RNLS: variants seen among roughly 807,000 people sequenced by gnomAD.
The protein encoded by RNLS is renalase.
RNLS carries 39 observed loss-of-function variants against 39.8 expected under a neutral mutation model. The observed-to-expected ratio is 0.98, with a 90% CI of 0.76 to 1.28. The LOEUF is 1.28. Among genes scored for constraint, RNLS ranks in the 50% most tolerant of loss-of-function variants. The pLI, the probability that RNLS is intolerant of heterozygous loss-of-function variation, is 0.00. For missense variants in RNLS, 410 were observed against 413.3 expected, an observed-to-expected ratio of 0.99 and a Z score of 0.07; for synonymous variants, 147 against 150.7, an observed-to-expected ratio of 0.98 and a Z score of 0.18.
chr10:88,452,912 C>A lies in RNLS; in HGVS notation c.527-90187G>T, dbSNP rs570432804. On this transcript the variant is annotated intron_variant, in intron 4 of 6. Coordinates refer to ENST00000331772, the MANE Select transcript of RNLS (RefSeq NM_001031709.3). ...AAAAATACAAGTTCAGTGTTATGGT[C>A]TGAAAAGAATGTGGTGATCATGGGG... is the stretch of plus-strand genomic sequence containing the variant. 1.6e-3 allele frequency among the ~76,000 whole-genome samples: 238 copies of A among 152,286 alleles called. 1 individual carries two copies. Among genetic ancestry groups the A allele is most frequent in the Middle Eastern group, 6.8e-3 (2 of 294 alleles).
At position 88,480,787 on chromosome 10, in the gene RNLS, T is replaced by TTGTGTGTGTG. The variant is rs60584908; in HGVS notation, c.526+92106_526+92115dup. On this transcript the variant is annotated intron_variant, in intron 4 of 6. Transcript: ENST00000331772. Reference sequence around the variant, plus strand: ...ATTAGTACTGTTTATTCCTGTGTCTTTGTGTGTGTGTGTGTGTGTGTGTGT... The same window carrying TTGTGTGTGTG: ...ATTAGTACTGTTTATTCCTGTGTCTTTGTGTGTGTGTGTGTGTGTGTGTGTGTGTGTGTGT... Among the ~76,000 whole-genome samples, 787 of 147,628 alleles carry TTGTGTGTGTG rather than the reference T, an allele frequency of 5.3e-3. 9 individuals carry two copies. Among genetic ancestry groups the TTGTGTGTGTG allele is most frequent in the East Asian group, 0.037 (185 of 4,992 alleles).
the RNLS span, among the ~76,000 whole-genome samples, chr10:88,195,765 A>G: frequency 6.6e-6 from 1 of 152,206 alleles, no homozygotes; most frequent in African/African-American, 2.4e-5. Context: ...TGCTGAAAAG[A>G]CAGACCTATC....
At chr10:88,184,988 G>A in the RNLS span, among the ~76,000 whole-genome samples, 10 of 152,184 alleles carry the variant, frequency 6.6e-5, no homozygotes, top group African/African-American at 2.4e-4. Flanking sequence ...CAGTCTTAAG[G>A]CAATTGAGAT....
At chr10:88,392,115 G>A (rs1007689247) in intron 4 of RNLS, among the ~76,000 whole-genome samples, 1 of 152,190 alleles carries the variant, frequency 6.6e-6, no homozygotes, top group African/African-American at 2.4e-5. Flanking sequence ...TTTCTTAACA[G>A]AAATGATTTT....
intron 5 of RNLS, among the ~76,000 whole-genome samples, chr10:88,352,382 A>G (rs1086831): frequency 6.6e-6 from 1 of 152,016 alleles, no homozygotes; most frequent in African/African-American, 2.4e-5. Flanking sequence ...CCATCAATAC[A>G]TAATTTATTG....
At chr10:88,358,904 C>T (rs1415217610) in intron 5 of RNLS, among the ~76,000 whole-genome samples, 1 of 152,206 alleles carries the variant, frequency 6.6e-6, no homozygotes, top group East Asian at 1.9e-4. Flanking sequence ...TGCTTCTCTA[C>T]CTTGACAGAA....
chr10:88,386,020 T>C (rs1326787806), intron 4 of RNLS, among the ~76,000 whole-genome samples: 1 of 152,148 alleles, frequency 6.6e-6, no homozygotes, highest in East Asian at 1.9e-4. Context: ...TAACAGCTCG[T>C]GATGGTGGCT....
At chr10:88,337,876 A>G (rs1847628826) in intron 5 of RNLS, among the ~76,000 whole-genome samples, 1 of 152,126 alleles carries the variant, frequency 6.6e-6, no homozygotes, top group African/African-American at 2.4e-5. Context: ...TCTTACAAAT[A>G]TCAGTTTTAT....
chr10:88,338,881 C>A (rs1011102542), intron 5 of RNLS, among the ~76,000 whole-genome samples: 2 of 151,978 alleles, frequency 1.3e-5, no homozygotes, highest in African/African-American at 2.4e-5. Context: ...CCCGCCTCAG[C>A]CTCCTGAGTA....
At chr10:88,258,047 A>G in the RNLS span, among the ~76,000 whole-genome samples, 2 of 152,338 alleles carry the variant, frequency 1.3e-5, no homozygotes, top group East Asian at 1.9e-4. Flanking sequence ...AGGAAACTCT[A>G]TAATTGACTA....
intron 5 of RNLS, among the ~76,000 whole-genome samples, chr10:88,356,549 G>A (rs776529883): frequency 6.6e-6 from 1 of 152,128 alleles, no homozygotes; most frequent in Non-Finnish European, 1.5e-5. Flanking sequence ...GTAATAAATA[G>A]CCATATGGAA....
At chr10:88,283,429 G>A (rs1564659192), downstream of RNLS, among the ~76,000 whole-genome samples, 1 of 152,026 alleles carries the variant, frequency 6.6e-6, no homozygotes, top group Non-Finnish European at 1.5e-5. Flanking sequence ...CCCCTCCTTT[G>A]GAGGACATAA....
the RNLS span, among the ~76,000 whole-genome samples, chr10:88,257,017 GA>G: frequency 6.6e-6 from 1 of 151,230 alleles, no homozygotes; most frequent in Non-Finnish European, 1.5e-5. Context: ...TGATGTGGGA[GA>G]CTAGTGACCT....
intron 4 of RNLS, among the ~76,000 whole-genome samples, 189 bp from the exon 5 acceptor site, chr10:88,362,914 G>T (rs1288700331): frequency 6.6e-6 from 1 of 152,046 alleles, no homozygotes; most frequent in Non-Finnish European, 1.5e-5. Context: ...ATTAACTTTG[G>T]CAAATTGTTT....
At chr10:88,481,164 A>G (rs897837357) in intron 4 of RNLS, among the ~76,000 whole-genome samples, 5 of 152,134 alleles carry the variant, frequency 3.3e-5, no homozygotes, top group Admixed American at 2.6e-4. Flanking sequence ...TTTGCATAAT[A>G]TATCTTTTTC....
At chr10:88,442,440 A>G (rs183750414) in intron 4 of RNLS, among the ~76,000 whole-genome samples, 71 of 152,348 alleles carry the variant, frequency 4.7e-4, no homozygotes, top group Admixed American at 8.5e-4. Flanking sequence ...TAATCCCTCC[A>G]TTAATTCAAC....
At chr10:88,494,769 G>A (rs1156912095) in intron 4 of RNLS, among the ~76,000 whole-genome samples, 1 of 152,122 alleles carries the variant, frequency 6.6e-6, no homozygotes, top group African/African-American at 2.4e-5. Flanking sequence ...TCTGATAGGT[G>A]CCTGCCAAAT....
chr10:88,444,656 G>A (rs183378388), intron 4 of RNLS, among the ~76,000 whole-genome samples: 3 of 152,258 alleles, frequency 2.0e-5, no homozygotes, highest in South Asian at 2.1e-4. Flanking sequence ...ACCATGGCAC[G>A]AGAACTACAT....
the RNLS span, among the ~76,000 whole-genome samples, chr10:88,202,642 T>C: frequency 6.6e-6 from 1 of 152,120 alleles, no homozygotes; most frequent in Admixed American, 6.5e-5. Flanking sequence ...GACATTGTGA[T>C]TTGTGTTTTC....
Sources: allele counts gnomAD v4.1 joint callset (sites outside exome capture counted in the v4.1 genomes callset), GRCh38; gene constraint gnomAD v4.1.1; transcripts MANE v1.5; gene names NCBI Gene and HGNC (gene_info 2026-07-23, HGNC 2026-07-21).